ZNF558: variants seen among roughly 807,000 people sequenced by gnomAD.
The protein encoded by ZNF558 is zinc finger protein 558.
In ZNF558, 23 loss-of-function variants were observed where a neutral mutation model predicts 37.6. The ratio of observed to expected loss-of-function variants is 0.61; its 90% CI spans 0.44 to 0.87. The LOEUF is 0.87. Among genes scored for constraint, ZNF558 ranks in the 40% least tolerant of loss-of-function variants. The probability of loss-of-function intolerance (pLI) is 0.00; values close to 1 mark genes in which losing one functional copy is unlikely to be tolerated. For synonymous variants in ZNF558, 189 were observed against 174.4 expected (o/e 1.08, Z -0.66); for missense variants, 429 against 483.7 (o/e 0.89, Z 1.06).
chr19:8,836,108 A>G (rs1265788316), upstream of ZNF558, among the ~76,000 whole-genome samples: 1 of 152,218 alleles, frequency 6.6e-6, no homozygotes, highest in Non-Finnish European at 1.5e-5. Flanking sequence ...ACTAAAAACC[A>G]TTTTACACAA....
intron 7 of ZNF558, among the ~76,000 whole-genome samples, chr19:8,819,827 G>A (rs2145236724): frequency 6.6e-6 from 1 of 152,222 alleles, no homozygotes; most frequent in Non-Finnish European, 1.5e-5. Flanking sequence ...TGTAATTCCA[G>A]CTACTTGAGA....
At chr19:8,821,570 A>G (rs2044091671) in intron 6 of ZNF558, 1 of 1,390,538 alleles carries the variant, frequency 7.2e-7, no homozygotes, top group South Asian at 1.6e-5. Flanking sequence ...TCCAGTGCAC[A>G]GTACCACAGA....
chr19:8,837,052 T>C (rs892118069), upstream of ZNF558, among the ~76,000 whole-genome samples: 8 of 152,256 alleles, frequency 5.3e-5, no homozygotes, highest in Non-Finnish European at 8.8e-5. Context: ...AATGGCATTA[T>C]GTTTGTGCCT....
At chr19:8,828,920 G>A (rs532374390) in intron 2 of ZNF558, among the ~76,000 whole-genome samples, 2 of 149,396 alleles carry the variant, frequency 1.3e-5, no homozygotes, top group Admixed American at 1.3e-4. Flanking sequence ...CTGAGATCGT[G>A]CCATTGCACT....
At chr19:8,828,072 A>G (rs1029258673) in intron 2 of ZNF558, among the ~76,000 whole-genome samples, 1 of 152,204 alleles carries the variant, frequency 6.6e-6, no homozygotes, top group Non-Finnish European at 1.5e-5. Context: ...ATGGAGCAGC[A>G]ATTCCCTTTT....
At chr19:8,813,513 C>T (rs1165950138) in intron 7 of ZNF558, among the ~76,000 whole-genome samples, 1 of 152,128 alleles carries the variant, frequency 6.6e-6, no homozygotes, top group African/African-American at 2.4e-5. Flanking sequence ...TGCACACAAC[C>T]ACGCCCGGCT....
At position 8,811,410 on chromosome 19, in the gene ZNF558, G is replaced by A; in HGVS notation, c.1080C>T (p.Leu360=). ...TTCTTAAGTGTTTCTTCACAGCTGA[G>A]AGATTATTAAAGGCTTTTCCACAGT... ...CSDCGKAFNN[L]SAVKKHLRTH... Residue 360 remains leucine (L), a synonymous_variant, in exon 10 of 10, where the codon CTC becomes CTT. Transcript: ENST00000601372. 1.2e-6 allele frequency: 2 copies of A among 1,614,088 alleles called. No homozygotes were observed. The highest frequency in any genetic ancestry group is 1.7e-6 in the Non-Finnish European group (2 of 1,179,994).
Position 8,822,786 on chromosome 19 carries a change from G to A in ZNF558, c.-65-62C>T. On this transcript the variant is annotated intron_variant, in intron 4 of 9. Transcript: ENST00000601372. This position sits in a 1 kb window ranked among gnomAD's most constrained non-coding sequence, Gnocchi z 4.4. Reference sequence around the variant, plus strand: ...TCCTCCCTCTCGGGCTGCTGGGGATGGGCCCTCCTCAACCCATCCTTCCCA... The same window carrying A: ...TCCTCCCTCTCGGGCTGCTGGGGATAGGCCCTCCTCAACCCATCCTTCCCA... 6 of 1,456,280 alleles carry A rather than the reference G, an allele frequency of 4.1e-6. No individual in the cohort carries two copies. Among genetic ancestry groups the A allele is most frequent in the South Asian group, 1.2e-5 (1 of 85,516 alleles). The allele number at this position is 1,456,280 out of a possible 1,614,324, so 90.2% of individuals were successfully genotyped here.
chr19:8,812,660 A>G lies in ZNF558; in HGVS notation c.344-17T>C. ...TCTCCAAATCTGAAACAAATTGAAA[A>G]GAAATTTAGGTTGATGGAGAAAAGA... On this transcript the variant is annotated splice_polypyrimidine_tract_variant and intron_variant, in intron 8 of 9. Transcript: ENST00000601372. 6.5e-7 allele frequency: 1 copy of G among 1,548,904 alleles called. No individual in the cohort carries two copies.
At chr19:8,835,085 T>C (rs1054810847), upstream of ZNF558, among the ~76,000 whole-genome samples, 12 of 151,922 alleles carry the variant, frequency 7.9e-5, no homozygotes, top group African/African-American at 2.7e-4. Flanking sequence ...GGAGTCTCCT[T>C]CTGTCACCTA....
rs918184423 is a variant in ZNF558 at position 8,811,823 on chromosome 19, G to C, written c.667C>G (p.Leu223Val). Residue 223 changes from leucine to valine, a missense_variant, in exon 10 of 10, where the codon CTT becomes GTT. Transcript: ENST00000601372. The stretch of plus-strand genomic sequence containing the variant: ...GTGTGAATTCTCAAATGCAGTCTAA[G>C]GGATGAGGGATCACTAAATGCTTTC... The part of the protein sequence containing the change: ...CGKAFSDPSS[L>V]RLHLRIHTGE... 6.2e-7 allele frequency: 1 copy of C among 1,614,176 alleles called. No homozygotes were observed. Among genetic ancestry groups the C allele is most frequent in the Non-Finnish European group, 8.5e-7 (1 of 1,180,034 alleles).
intron 7 of ZNF558, among the ~76,000 whole-genome samples, chr19:8,819,660 G>A (rs2044031761): frequency 6.6e-6 from 1 of 152,190 alleles, no homozygotes; most frequent in South Asian, 2.1e-4. Context: ...GCAGAGGACT[G>A]GGAGCGGTGG....
chr19:8,813,472 C>T (rs189719306), intron 7 of ZNF558, among the ~76,000 whole-genome samples: 13 of 152,158 alleles, frequency 8.5e-5, no homozygotes, highest in Non-Finnish European at 1.6e-4. Context: ...GATTCTCCTG[C>T]CTCAGCCTCC....
chr19:8,807,058 C>T lies in ZNF558; in HGVS notation c.*4223G>A, dbSNP rs1388244184. On this transcript the variant is annotated 3_prime_UTR_variant, in exon 10 of 10. Transcript: ENST00000601372. ...CTGCTAACTCCAATACCCAAATTGTCTCTGGATCTGCTATTGATTTATATA... is the reference window on the plus strand; with the variant it reads ...CTGCTAACTCCAATACCCAAATTGTTTCTGGATCTGCTATTGATTTATATA... 3 of 152,204 alleles carry T rather than the reference C, an allele frequency of 2.0e-5. No individual in the cohort carries two copies. Among genetic ancestry groups the T allele is most frequent in the East Asian group, 1.9e-4 (1 of 5,184 alleles). The allele number at this position is 152,204 out of a possible 1,614,324, so 9.4% of individuals were successfully genotyped here. A position where few individuals can be genotyped will look rare whatever the true frequency, so the allele number is the denominator to read the frequency against.
intron 3 of ZNF558, among the ~76,000 whole-genome samples, 187 bp from the exon 4 acceptor site, chr19:8,824,604 C>G (rs1475266744): frequency 6.6e-6 from 1 of 152,176 alleles, no homozygotes; most frequent in African/African-American, 2.4e-5. Context: ...AGCACTGCAA[C>G]CTGTGCCCCA....
chr19:8,812,253 A>G (rs901207721), intron 9 of ZNF558, among the ~76,000 whole-genome samples, 190 bp from the exon 10 acceptor site: 1 of 152,252 alleles, frequency 6.6e-6, no homozygotes, highest in East Asian at 1.9e-4. Flanking sequence ...ATGCTTTGCC[A>G]CAAGTCCTTA....
rs1006586035 is a variant in ZNF558, at chr19:8,808,253, A to T, written c.*3028T>A. On this transcript the variant is annotated 3_prime_UTR_variant, in exon 10 of 10. Transcript: ENST00000601372. ...AACCTGGGAGGCCAAGGTTGCAGTG[A>T]GCCGAGATCGCACCATTGCACTCCA... 2.6e-5 allele frequency: 4 copies of T among 152,196 alleles called. No individual in the cohort carries two copies. The South Asian group carries it at 8.3e-4, about 32-fold the overall frequency. The allele number at this position is 152,196 out of a possible 1,614,324, so 9.4% of individuals were successfully genotyped here. A position where few individuals can be genotyped will look rare whatever the true frequency, so the allele number is the denominator to read the frequency against.
Position 8,811,630 on chromosome 19 carries a change from G to A in ZNF558, c.860C>T (p.Thr287Ile). ...GTGACATTCATAAGGTTTCTCCCCT[G>A]TATGAATGCTATTGTGCCCAGTGAG... ...SSLTGHNSIHTGEKPYECHDC... is the reference protein window; with the variant it reads ...SSLTGHNSIHIGEKPYECHDC... Residue 287 changes from threonine (T) to isoleucine (I), a missense_variant, in exon 10 of 10, where the codon ACA becomes ATA. Physicochemically the swap from Thr to Ile is moderately conservative, Grantham distance 89 (BLOSUM62 -1). Transcript: ENST00000601372. 1 of 1,614,108 alleles carries A rather than the reference G, an allele frequency of 6.2e-7. No individual in the cohort carries two copies. Among genetic ancestry groups the A allele is most frequent in the Non-Finnish European group, 8.5e-7 (1 of 1,180,010 alleles).
intron 7 of ZNF558, 64 bp from the exon 8 acceptor site, chr19:8,813,286 G>T: frequency 7.8e-7 from 1 of 1,274,306 alleles, no homozygotes; most frequent in South Asian, 1.3e-5. Context: ...GTCCATGAAA[G>T]AAAGCCAACA....
Sources: gnomAD v4.1 joint callset for allele counts (sites outside exome capture counted in the v4.1 genomes callset) on GRCh38, gnomAD v4.1.1 for gene constraint, Gnocchi (gnomAD v3.1) non-coding constraint, MANE v1.5 for transcripts, NCBI Gene and HGNC (gene_info 2026-07-23, HGNC 2026-07-21) for gene names.